The following NKAIN3 variants were observed in gnomAD, a reference collection of about 807,000 sequenced individuals.
The protein encoded by NKAIN3 is sodium/potassium transporting ATPase interacting 3, also known as sodium/potassium-transporting ATPase subunit beta-1-interacting protein 3.
Under a neutral mutation model 30.2 loss-of-function variants are expected in NKAIN3, and 25 were observed. That is an observed-to-expected ratio of 0.83 (90% CI 0.60 to 1.16). The LOEUF (loss-of-function observed/expected upper bound fraction) is 1.16. Ranked by LOEUF, NKAIN3 falls within the 50% of genes most tolerant of loss-of-function variation. The pLI is 0.00. For synonymous variants in NKAIN3, 91 were observed against 89.6 expected (o/e 1.02, Z -0.09); for missense variants, 225 against 254.1 (o/e 0.89, Z 0.78).
intron 1 of NKAIN3, among the ~76,000 whole-genome samples, chr8:62,311,430 G>A (rs1186401436): frequency 2.0e-5 from 3 of 150,330 alleles, no homozygotes; most frequent in Non-Finnish European, 2.9e-5. Context: ...TGGGGCCTAC[G>A]GATTTAAGTA....
intron 1 of NKAIN3, among the ~76,000 whole-genome samples, chr8:62,379,349 A>G (rs1244766817): frequency 6.6e-6 from 1 of 152,198 alleles, no homozygotes; most frequent in African/African-American, 2.4e-5. Flanking sequence ...GGAATGAGTT[A>G]AGACTTTTGG....
intron 4 of NKAIN3, among the ~76,000 whole-genome samples, chr8:62,760,460 A>G (rs1250535764): frequency 2.0e-5 from 3 of 152,112 alleles, no homozygotes; most frequent in Non-Finnish European, 4.4e-5. Context: ...AATATGATGA[A>G]TTCATGTCCT....
chr8:62,893,798 T>C (rs533241959), intron 4 of NKAIN3, among the ~76,000 whole-genome samples: 4 of 152,302 alleles, frequency 2.6e-5, no homozygotes, highest in African/African-American at 9.6e-5. Flanking sequence ...GATAGGAAAG[T>C]ATGGAAAGTT....
At position 62,697,201 on chromosome 8, in the gene NKAIN3, C is replaced by G. The variant is rs149940470; in HGVS notation, c.274-49731C>G. On this transcript the variant is annotated intron_variant, in intron 3 of 6. Transcript: ENST00000623646. ...AGAGCCAAGTCTTTTCAACAGCCAACAGAGCCCTACATGATCTACAGAGCT... is the reference window on the plus strand; with the variant it reads ...AGAGCCAAGTCTTTTCAACAGCCAAGAGAGCCCTACATGATCTACAGAGCT... 5.1e-3 allele frequency among the ~76,000 whole-genome samples: 780 copies of G among 152,252 alleles called. 3 individuals are homozygous for G. The highest frequency in any genetic ancestry group is 0.017 in the African/African-American group (724 of 41,544).
At chr8:62,731,472 A>G (rs375983554) in intron 3 of NKAIN3, among the ~76,000 whole-genome samples, 1 of 152,182 alleles carries the variant, frequency 6.6e-6, no homozygotes, top group Admixed American at 6.5e-5. Flanking sequence ...TTAAAATACC[A>G]AACTGATATA....
At chr8:62,518,124 G>T (rs746779047) in intron 1 of NKAIN3, among the ~76,000 whole-genome samples, 5 of 152,130 alleles carry the variant, frequency 3.3e-5, no homozygotes, top group Non-Finnish European at 7.3e-5. Context: ...GCTTTGGAAG[G>T]CCAAGGTGGG....
chr8:62,901,385 A>T (rs578135613), intron 4 of NKAIN3, among the ~76,000 whole-genome samples: 1 of 152,166 alleles, frequency 6.6e-6, no homozygotes, highest in Non-Finnish European at 1.5e-5. Flanking sequence ...CAGGAGGGTC[A>T]CTTGAGTCCA....
Position 62,500,489 on chromosome 8 carries a change from AAAAG to A in NKAIN3, c.55-79035_55-79032del, listed in dbSNP as rs148792331. Reference sequence around the variant, plus strand: ...AGAAAGAAAGAAAGAAAGAAAGAAGAAAAGAAAGAAAGAAAGAAGGAAAGAAAGA... The same window carrying A: ...AGAAAGAAAGAAAGAAAGAAAGAAGAAAAGAAAGAAAGAAGGAAAGAAAGA... On this transcript the variant is annotated intron_variant, in intron 1 of 6. Coordinates refer to ENST00000623646, the MANE Select transcript of NKAIN3 (RefSeq NM_001304533.3). Among the ~76,000 whole-genome samples the A allele has an allele frequency of 8.6e-3, 1,073 of 124,616 alleles. 10 individuals carry two copies. Among genetic ancestry groups the A allele is most frequent in the African/African-American group, 0.018 (539 of 29,188 alleles). The allele number at this position is 124,616 out of a possible 152,430, so 81.8% of individuals were successfully genotyped here.
chr8:62,666,203 ACT>A (rs1382681142), intron 3 of NKAIN3, among the ~76,000 whole-genome samples: 4 of 152,048 alleles, frequency 2.6e-5, no homozygotes, highest in South Asian at 4.2e-4. Flanking sequence ...ACAGAGCAAG[ACT>A]CTCTCTGTCT....
chr8:62,930,727 G>A lies in NKAIN3; in HGVS notation c.532+12214G>A, dbSNP rs193249869. On this transcript the variant is annotated intron_variant, in intron 5 of 6. Transcript: ENST00000623646. ...TTCATCCTTTTTTTTTTTTTGAGAC[G>A]GAGTCTCACTCTGTCACCCAGGCTA... Among the ~76,000 whole-genome samples the A allele has an allele frequency of 4.4e-3, 651 of 147,054 alleles. 4 individuals carry two copies. The highest frequency in any genetic ancestry group is 0.011 in the Middle Eastern group (3 of 282).
chr8:62,527,464 G>A, intron 1 of NKAIN3, among the ~76,000 whole-genome samples: 1 of 152,106 alleles, frequency 6.6e-6, no homozygotes, highest in South Asian at 2.1e-4. Context: ...AAATAATAAT[G>A]GATATAGGGC....
At chr8:62,662,866 C>T (rs989708824) in intron 3 of NKAIN3, among the ~76,000 whole-genome samples, 1 of 152,140 alleles carries the variant, frequency 6.6e-6, no homozygotes, top group Non-Finnish European at 1.5e-5. Context: ...ATATCTATGA[C>T]ACAAGACATA....
intron 1 of NKAIN3, among the ~76,000 whole-genome samples, chr8:62,386,608 T>G (rs1817431705): frequency 6.6e-6 from 1 of 152,164 alleles, no homozygotes; most frequent in Admixed American, 6.5e-5. Context: ...ATATGACAAA[T>G]CTTGCTTTAC....
chr8:62,329,448 G>A (rs144939498), intron 1 of NKAIN3, among the ~76,000 whole-genome samples: 20 of 152,156 alleles, frequency 1.3e-4, no homozygotes, highest in Admixed American at 2.6e-4. Flanking sequence ...CACCCATTCC[G>A]GAAGAATCGT....
chr8:62,695,064 C>A (rs187634913), intron 3 of NKAIN3, among the ~76,000 whole-genome samples: 1 of 152,188 alleles, frequency 6.6e-6, no homozygotes, highest in Non-Finnish European at 1.5e-5. Context: ...TTTCATATTG[C>A]CTTCTCCTCT....
intron 4 of NKAIN3, among the ~76,000 whole-genome samples, chr8:62,902,756 C>A (rs1821650781): frequency 6.6e-6 from 1 of 152,044 alleles, no homozygotes; most frequent in South Asian, 2.1e-4. Context: ...TATAATGATC[C>A]TATCAAACTA....
At chr8:62,582,782 G>A (rs749098188) in intron 2 of NKAIN3, among the ~76,000 whole-genome samples, 28 of 152,178 alleles carry the variant, frequency 1.8e-4, no homozygotes, top group Non-Finnish European at 2.9e-4. Context: ...GTGAGGAGGC[G>A]CAGGTTCTGG....
At chr8:62,791,122 A>G (rs1179736150) in intron 4 of NKAIN3, among the ~76,000 whole-genome samples, 1 of 152,112 alleles carries the variant, frequency 6.6e-6, no homozygotes, top group Non-Finnish European at 1.5e-5. Flanking sequence ...CACTGGTCAA[A>G]GTAAGTCACA....
intron 1 of NKAIN3, among the ~76,000 whole-genome samples, chr8:62,577,811 T>G (rs1318702247): frequency 6.6e-6 from 1 of 151,952 alleles, no homozygotes; most frequent in Non-Finnish European, 1.5e-5. Context: ...GTATCCTGAA[T>G]CATATCACTC....
Sources: allele counts gnomAD v4.1 joint callset (sites outside exome capture counted in the v4.1 genomes callset), GRCh38; gene constraint gnomAD v4.1.1; transcripts MANE v1.5; gene names NCBI Gene and HGNC (gene_info 2026-07-23, HGNC 2026-07-21).